The following ST3GAL5 variants were observed in gnomAD, a reference collection of about 807,000 sequenced individuals.
The protein encoded by ST3GAL5 is ST3 beta-galactoside alpha-2,3-sialyltransferase 5.
In ST3GAL5, 25 loss-of-function variants were observed where a neutral mutation model predicts 46.1. That is an observed-to-expected ratio of 0.54 (90% CI 0.40 to 0.76). The LOEUF (loss-of-function observed/expected upper bound fraction) is 0.76, where lower values mean the gene tolerates loss of function less well. ST3GAL5 is among the 30% of genes least tolerant of loss of function. ST3GAL5 has a pLI of 0.00. For missense variants in ST3GAL5, 431 were observed against 521.2 expected (o/e 0.83, Z 1.69); for synonymous variants, 182 against 192.7 (o/e 0.94, Z 0.46).
In ST3GAL5 at chr2:85,851,555, T is replaced by A. The variant is rs560708741; in HGVS notation, c.319-3351A>T. The A allele has an allele frequency of 1.0e-5, 13 of 1,280,520 alleles. No individual in the cohort carries two copies. In the Admixed American group the frequency reaches 3.0e-4, roughly 29 times the overall value. 79.3% of individuals were successfully genotyped at this position (1,280,520 alleles called of 1,614,324 possible). Reference sequence around the variant, plus strand: ...TCAATGGTGCACAACCAGACATCATTGTCTTGGGGGCTTCCTCAGAGCTTG... The same window carrying A: ...TCAATGGTGCACAACCAGACATCATAGTCTTGGGGGCTTCCTCAGAGCTTG... On this transcript the variant is annotated intron_variant, in intron 3 of 6. Transcript: ENST00000638572.
chr2:85,848,654 T>C, intron 3 of ST3GAL5: 1 of 298,944 alleles, frequency 3.3e-6, no homozygotes. Context: ...GTATCTAAAG[T>C]AGTCAAATTC....
chr2:85,843,606 C>A lies in ST3GAL5; in HGVS notation c.1008+790G>T, dbSNP rs186729986. Among the ~76,000 whole-genome samples, 5 of 152,228 alleles carry A rather than the reference C, an allele frequency of 3.3e-5. No individual in the cohort carries two copies. In the East Asian group the frequency reaches 9.6e-4, roughly 29 times the overall value. ...TTTTCTCTTTGATTTAGTAAGAGCT[C>A]TTTGTATTCTGAGAGTGTTTATTCT... On this transcript the variant is annotated intron_variant, in intron 6 of 6. Transcript: ENST00000638572.
chr2:85,856,243 G>T (rs1481803645), intron 3 of ST3GAL5: 1 of 152,148 alleles, frequency 6.6e-6, no homozygotes, highest in Non-Finnish European at 1.5e-5. Flanking sequence ...ATACAATGAG[G>T]TATTATCCAG....
intron 5 of ST3GAL5, chr2:85,846,173 T>C (rs987863383): frequency 1.8e-6 from 1 of 566,564 alleles, no homozygotes; most frequent in South Asian, 2.0e-5. Context: ...TCCAGCCCTC[T>C]AGCCTGGACA....
At chr2:85,883,229 G>A (rs1333178751) in intron 1 of ST3GAL5, among the ~76,000 whole-genome samples, 2 of 152,144 alleles carry the variant, frequency 1.3e-5, no homozygotes, top group African/African-American at 2.4e-5. Context: ...CCCGGGGGAG[G>A]TAATTGAATC....
chr2:85,888,787 GC>G (rs1688062324), intron 1 of ST3GAL5, 36 bp downstream of exon 1: 3 of 1,181,836 alleles, frequency 2.5e-6, no homozygotes, highest in Admixed American at 4.6e-5. Context: ...CAGCCCGCGG[GC>G]CCCCGCGACG....
chr2:85,867,893 AT>A, intron 1 of ST3GAL5: 2 of 556,850 alleles, frequency 3.6e-6, no homozygotes, highest in Non-Finnish European at 6.6e-6. Context: ...AACATGGCAG[AT>A]TAGCATCCAA....
intron 2 of ST3GAL5, among the ~76,000 whole-genome samples, chr2:85,861,725 G>C (rs749438053): frequency 6.6e-6 from 1 of 150,650 alleles, no homozygotes; most frequent in African/African-American, 2.4e-5. Flanking sequence ...AAGTGAGGCC[G>C]ACTGGGAAAT....
At chr2:85,841,208 C>T (rs1682037753) in intron 6 of ST3GAL5, among the ~76,000 whole-genome samples, 1 of 152,116 alleles carries the variant, frequency 6.6e-6, no homozygotes, top group South Asian at 2.1e-4. Context: ...TGTGTTCACA[C>T]ACCAGCAGCT....
At chr2:85,867,490 T>C in intron 1 of ST3GAL5, 1 of 742,214 alleles carries the variant, frequency 1.3e-6, no homozygotes, top group South Asian at 1.4e-5. Flanking sequence ...CTGGGATATA[T>C]CTATTAAAGG....
At chr2:85,877,635 T>C (rs946571594) in intron 1 of ST3GAL5, among the ~76,000 whole-genome samples, 13 of 152,220 alleles carry the variant, frequency 8.5e-5, no homozygotes, top group Non-Finnish European at 4.4e-5. Flanking sequence ...TCGTAATTAA[T>C]AAGTGACTTG....
chr2:85,847,540 G>A (rs1257747626), intron 4 of ST3GAL5: 4 of 1,124,034 alleles, frequency 3.6e-6, no homozygotes, highest in Non-Finnish European at 4.4e-6. Context: ...GAGCCACACT[G>A]ACCAAGAGCA....
At chr2:85,847,736 A>T in intron 4 of ST3GAL5, 125 bp downstream of exon 4, 1 of 1,392,350 alleles carries the variant, frequency 7.2e-7, no homozygotes, top group Non-Finnish European at 9.6e-7. Flanking sequence ...TTGAGGCTGC[A>T]GTGAGCTGAG....
intron 1 of ST3GAL5, chr2:85,865,838 T>C (rs927408343): frequency 3.3e-5 from 5 of 152,246 alleles, no homozygotes; most frequent in Admixed American, 1.3e-4. Flanking sequence ...CCTGTAAATA[T>C]TTTCCGAACT....
At chr2:85,854,041 C>T (rs749576857) in intron 3 of ST3GAL5, 4 of 152,180 alleles carry the variant, frequency 2.6e-5, no homozygotes, top group Admixed American at 6.5e-5. Flanking sequence ...TTCAAACTCA[C>T]GGAGTTTTAC....
At chr2:85,867,868 G>A (rs775797860) in intron 1 of ST3GAL5, 1 of 593,988 alleles carries the variant, frequency 1.7e-6, no homozygotes, top group Non-Finnish European at 3.1e-6. Context: ...CTGGGACTGG[G>A]GTTAGTCAGA....
At chr2:85,840,574 T>C in intron 6 of ST3GAL5, 182 bp from the exon 7 acceptor site, 1 of 692,006 alleles carries the variant, frequency 1.4e-6, no homozygotes, top group Non-Finnish European at 2.5e-6. Context: ...GTCAGGAATC[T>C]AGGCTCTAAA....
intron 1 of ST3GAL5, among the ~76,000 whole-genome samples, chr2:85,868,841 A>G (rs1685585944): frequency 6.6e-6 from 1 of 150,756 alleles, no homozygotes; most frequent in South Asian, 2.1e-4. Flanking sequence ...CTGGTCTCAA[A>G]CTCCTGACCT....
intron 1 of ST3GAL5, among the ~76,000 whole-genome samples, chr2:85,874,422 A>G (rs1486175471): frequency 6.6e-6 from 1 of 150,406 alleles, no homozygotes; most frequent in Non-Finnish European, 1.5e-5. Flanking sequence ...CCTATCTCAC[A>G]CTCTCCTCCT....
Sources: gnomAD v4.1 joint callset for allele counts (sites outside exome capture counted in the v4.1 genomes callset) on GRCh38, gnomAD v4.1.1 for gene constraint, MANE v1.5 for transcripts, NCBI Gene and HGNC (gene_info 2026-07-23, HGNC 2026-07-21) for gene names.